Variants in NRXN3 observed in about 807,000 individuals in gnomAD.
NRXN3 encodes neurexin 3.
A neutral mutation model predicts 137.6 loss-of-function variants in NRXN3; 32 were observed. The ratio of observed to expected loss-of-function variants is 0.23; its 90% confidence interval spans 0.18 to 0.31. NRXN3 has a LOEUF of 0.31. Ranked by LOEUF, NRXN3 falls within the 10% of genes least tolerant of loss-of-function variation. The probability of loss-of-function intolerance (pLI) is 1.00; values close to 1 mark genes in which losing one functional copy is unlikely to be tolerated. For synonymous variants in NRXN3, 798 were observed against 784.5 expected (o/e 1.02, Z -0.29); for missense variants, 1,574 against 2,062.5 (o/e 0.76, Z 4.59).
intron 4 of NRXN3, among the ~76,000 whole-genome samples, chr14:78,514,206 T>A (rs2096163514): frequency 6.6e-6 from 1 of 152,116 alleles, no homozygotes; most frequent in Admixed American, 6.6e-5. Context: ...ATGAAAGAGA[T>A]GTCACAGAGT....
At chr14:78,428,601 T>A (rs2093751097) in intron 4 of NRXN3, among the ~76,000 whole-genome samples, 1 of 152,030 alleles carries the variant, frequency 6.6e-6, no homozygotes, top group African/African-American at 2.4e-5. Flanking sequence ...TAAAAGAAAT[T>A]GGCTCACGTG....
At chr14:78,773,438 G>C (rs914610139) in intron 8 of NRXN3, among the ~76,000 whole-genome samples, 6 of 152,088 alleles carry the variant, frequency 3.9e-5, no homozygotes, top group African/African-American at 1.4e-4. Context: ...GCCAGAACCT[G>C]CTAATTCTTA....
At chr14:79,205,251 G>A (rs1350201429) in intron 15 of NRXN3, among the ~76,000 whole-genome samples, 3 of 152,134 alleles carry the variant, frequency 2.0e-5, no homozygotes, top group African/African-American at 4.8e-5. Flanking sequence ...TGGTGGCTCT[G>A]CTTTTGTGAT....
At chr14:78,386,970 C>T (rs923550744) in intron 4 of NRXN3, among the ~76,000 whole-genome samples, 7 of 151,804 alleles carry the variant, frequency 4.6e-5, no homozygotes, top group Non-Finnish European at 7.4e-5. Flanking sequence ...TTAGTAGAGA[C>T]GGGGTTTCAC....
At chr14:78,886,052 T>C (rs2099142713) in intron 10 of NRXN3, among the ~76,000 whole-genome samples, 1 of 152,098 alleles carries the variant, frequency 6.6e-6, no homozygotes, top group Admixed American at 6.6e-5. Flanking sequence ...AGCATCACTT[T>C]TGGTCATATT....
intron 16 of NRXN3, among the ~76,000 whole-genome samples, chr14:79,634,058 A>G (rs183112275): frequency 2.6e-5 from 4 of 152,290 alleles, no homozygotes; most frequent in Middle Eastern, 3.4e-3. Flanking sequence ...TATCCTCACG[A>G]AAGAGTGTTA....
At chr14:79,482,784 G>T (rs1039030380) in intron 16 of NRXN3, among the ~76,000 whole-genome samples, 1 of 152,112 alleles carries the variant, frequency 6.6e-6, no homozygotes, top group Non-Finnish European at 1.5e-5. Flanking sequence ...ACCATTTTTG[G>T]TAAAGACTTT....
At chr14:79,249,855 G>T (rs78361579) in intron 15 of NRXN3, among the ~76,000 whole-genome samples, 4,743 of 152,282 alleles carry the variant, frequency 0.031, 198 homozygotes, top group African/African-American at 0.096. Context: ...TAGCAGCAGA[G>T]GGGAATCTTT....
chr14:79,185,458 C>T (rs2063414127), intron 15 of NRXN3, among the ~76,000 whole-genome samples: 1 of 133,186 alleles, frequency 7.5e-6, no homozygotes, highest in Non-Finnish European at 1.5e-5. Context: ...AGCAATTTCA[C>T]ACTTGGGAAT....
intron 15 of NRXN3, among the ~76,000 whole-genome samples, chr14:79,083,906 T>C (rs1023593828): frequency 4.6e-5 from 7 of 152,064 alleles, no homozygotes; most frequent in Admixed American, 3.9e-4. Flanking sequence ...AAGTTTTTTG[T>C]TTATTTGTTT....
chr14:78,250,700 G>A (rs1053464726), intron 2 of NRXN3, among the ~76,000 whole-genome samples: 1 of 152,196 alleles, frequency 6.6e-6, no homozygotes, highest in Admixed American at 6.5e-5. Context: ...CGTGTCATGG[G>A]TGCAAGGGTA....
intron 15 of NRXN3, among the ~76,000 whole-genome samples, chr14:79,118,060 T>C (rs2620396): frequency 6.6e-6 from 1 of 151,556 alleles, no homozygotes; most frequent in East Asian, 1.9e-4. Context: ...TTAGTGAAGA[T>C]GTTAGAGCTG....
chr14:78,260,815 G>A (rs763185264), intron 2 of NRXN3, among the ~76,000 whole-genome samples: 1 of 152,108 alleles, frequency 6.6e-6, no homozygotes, highest in Admixed American at 6.5e-5. Context: ...GCCCATTCTC[G>A]GGTATGTCTT....
rs546270399 is a variant in NRXN3 at position 78,990,763 on chromosome 14, A to T, written c.3262+2622A>T. The stretch of plus-strand genomic sequence containing the variant: ...ATGAAATCCAACCAAATATAGCAGA[A>T]TGGTAGATTGTTTAAAATTATTACA... On this transcript the variant is annotated intron_variant, in intron 15 of 20. Transcript: ENST00000335750. 2.6e-5 allele frequency among the ~76,000 whole-genome samples: 4 copies of T among 152,298 alleles called. No individual in the cohort carries two copies. In the South Asian group the frequency reaches 8.3e-4, roughly 32 times the overall value.
chr14:79,772,307 C>T (rs1685268931), intron 19 of NRXN3, among the ~76,000 whole-genome samples: 1 of 151,932 alleles, frequency 6.6e-6, no homozygotes, highest in African/African-American at 2.4e-5. Context: ...AAAAAAGAGC[C>T]CGCATCACCA....
intron 16 of NRXN3, among the ~76,000 whole-genome samples, chr14:79,470,392 T>C (rs1277032524): frequency 2.0e-5 from 3 of 152,136 alleles, no homozygotes; most frequent in Non-Finnish European, 4.4e-5. Context: ...AGTCTTCACC[T>C]CTAAGGCGAG....
chr14:78,836,220 A>G (rs1253854101), intron 10 of NRXN3, among the ~76,000 whole-genome samples: 1 of 152,256 alleles, frequency 6.6e-6, no homozygotes, highest in Non-Finnish European at 1.5e-5. Context: ...ACAACATGAA[A>G]GCAAAAAAGG....
At chr14:78,932,653 G>A (rs1170729929) in intron 10 of NRXN3, among the ~76,000 whole-genome samples, 1 of 152,192 alleles carries the variant, frequency 6.6e-6, no homozygotes. Flanking sequence ...ATGTAGCAGA[G>A]CTATGGGATT....
chr14:79,293,671 G>C (rs2083549441), intron 15 of NRXN3, among the ~76,000 whole-genome samples: 1 of 152,216 alleles, frequency 6.6e-6, no homozygotes, highest in Admixed American at 6.5e-5. Flanking sequence ...AAGGAGCAGA[G>C]AGCAGCATGA....
Sources: allele counts gnomAD v4.1 joint callset (sites outside exome capture counted in the v4.1 genomes callset), GRCh38; gene constraint gnomAD v4.1.1; transcripts MANE v1.5; gene names NCBI Gene and HGNC (gene_info 2026-07-23, HGNC 2026-07-21).